Variants in ZFP64 observed in about 807,000 individuals in gnomAD.
ZFP64 encodes ZFP64 zinc finger protein.
Under a neutral mutation model 51.6 loss-of-function variants are expected in ZFP64, and 14 were observed. The observed-to-expected ratio is 0.27, with a 90% CI of 0.18 to 0.42. The LOEUF (loss-of-function observed/expected upper bound fraction) is 0.42. Ranked by LOEUF, ZFP64 falls within the 10% of genes least tolerant of loss-of-function variation. The pLI is 1.00. For synonymous variants in ZFP64, 375 were observed against 361.4 expected (o/e 1.04, Z -0.43); for missense variants, 754 against 906.8 (o/e 0.83, Z 2.16).
chr20:52,125,023 T>C (rs1400275807), intron 5 of ZFP64, among the ~76,000 whole-genome samples: 2 of 152,210 alleles, frequency 1.3e-5, no homozygotes, highest in East Asian at 3.9e-4. Context: ...TCTTTCAGCA[T>C]AAAAGCACCA....
intron 5 of ZFP64, among the ~76,000 whole-genome samples, chr20:52,122,535 A>G (rs930062057): frequency 2.0e-5 from 3 of 151,486 alleles, no homozygotes; most frequent in Admixed American, 6.6e-5. Context: ...AATACATTTT[A>G]TAAGACTGTA....
In ZFP64 at chr20:52,160,455, A is replaced by G; in HGVS notation, c.512-81T>C. 2.0e-6 allele frequency: 3 copies of G among 1,510,178 alleles called. No individual in the cohort carries two copies. The highest frequency in any genetic ancestry group is 2.6e-6 in the Non-Finnish European group (3 of 1,133,808). 93.5% of individuals were successfully genotyped at this position (1,510,178 alleles called of 1,614,324 possible). On this transcript the variant is annotated intron_variant, in intron 4 of 5. Coordinates refer to ENST00000216923, the MANE Select transcript of ZFP64 (RefSeq NM_018197.3). The surrounding 1 kb of genome is among the most constrained non-coding windows in gnomAD (Gnocchi z 4.2). ...GGCTTATTTCCCACTGCCTTACGAA[A>G]AAAGTCATATACAACCACCGAAGAA...
chr20:52,124,102 C>A (rs974300883), intron 5 of ZFP64, among the ~76,000 whole-genome samples: 5 of 151,696 alleles, frequency 3.3e-5, no homozygotes, highest in African/African-American at 1.2e-4. Context: ...GATCTCCTGA[C>A]CTTGCGATCC....
At chr20:52,105,080 C>T (rs1978300424) in intron 5 of ZFP64, 3 of 1,403,056 alleles carry the variant, frequency 2.1e-6, no homozygotes, top group African/African-American at 3.0e-5. Context: ...TCCGGAGAAC[C>T]TCTGAGCACC....
Position 52,153,388 on chromosome 20 carries a change from G to A in ZFP64, c.804C>T (p.Phe268=). The A allele has an allele frequency of 6.2e-7, 1 of 1,614,172 alleles. No homozygotes were observed. Among genetic ancestry groups the A allele is most frequent in the East Asian group, 2.2e-5 (1 of 44,886 alleles). ...GCCTTTTCAAGTCCGAGCTGATTTT[G>A]AACTTGGCGCTACAGAGCCAGCACT... ...PFQCWLCSAK[F]KISSDLKRHM... Residue 268 remains phenylalanine, a synonymous_variant, in exon 6 of 6, where the codon TTC becomes TTT. Transcript: ENST00000216923. The surrounding 1 kb of genome is among the most constrained non-coding windows in gnomAD (Gnocchi z 5.1).
intron 5 of ZFP64, among the ~76,000 whole-genome samples, chr20:52,142,378 A>ACACACACACACACACG (rs1555804621): frequency 1.3e-4 from 5 of 38,350 alleles, no homozygotes; most frequent in African/African-American, 4.6e-4. Context: ...ACACACACAG[A>ACACACACACACACACG]CACACACACA....
intron 5 of ZFP64, among the ~76,000 whole-genome samples, chr20:52,104,203 T>C (rs2122784281): frequency 6.6e-6 from 1 of 152,304 alleles, no homozygotes; most frequent in South Asian, 2.1e-4. Flanking sequence ...GCCTTAGAAA[T>C]GCAGATTCCC....
At chr20:52,158,855 A>T (rs1342773925) in intron 5 of ZFP64, among the ~76,000 whole-genome samples, 1 of 152,186 alleles carries the variant, frequency 6.6e-6, no homozygotes, top group African/African-American at 2.4e-5. Context: ...GCTTTAGCCA[A>T]TGTGATGCTT....
intron 5 of ZFP64, among the ~76,000 whole-genome samples, chr20:52,114,016 G>A (rs1053672819): frequency 5.3e-5 from 8 of 152,228 alleles, no homozygotes; most frequent in Non-Finnish European, 7.4e-5. Context: ...GGGAGACAGC[G>A]TCCCCAGGGG....
intron 7 of ZFP64, among the ~76,000 whole-genome samples, chr20:52,094,930 G>A (rs2078972038): frequency 6.6e-6 from 1 of 152,150 alleles, no homozygotes; most frequent in Non-Finnish European, 1.5e-5. Context: ...CTTGAGGCAT[G>A]CCCAAAGCAT....
chr20:52,093,998 T>A (rs1175648801), intron 7 of ZFP64, among the ~76,000 whole-genome samples: 2 of 152,328 alleles, frequency 1.3e-5, no homozygotes, highest in Non-Finnish European at 2.9e-5. Flanking sequence ...TTTAAAGACA[T>A]CTTTTTGAGA....
In ZFP64 at chr20:52,160,510, A is replaced by G; in HGVS notation, c.512-136T>C. On this transcript the variant is annotated intron_variant, in intron 4 of 5. Transcript: ENST00000216923. This position sits in a 1 kb window ranked among gnomAD's most constrained non-coding sequence, Gnocchi z 4.2. ...CCAAAAACCCTAAAACACTGGGTGG[A>G]TGATTGGCAAAGAGCTAACATCTTG... 3 of 1,196,750 alleles carry G rather than the reference A, an allele frequency of 2.5e-6. No homozygotes were observed. The highest frequency in any genetic ancestry group is 2.3e-6 in the Non-Finnish European group (2 of 883,502). 74.1% of individuals were successfully genotyped at this position (1,196,750 alleles called of 1,614,324 possible).
chr20:52,188,808 T>C (rs886168184), intron 1 of ZFP64, among the ~76,000 whole-genome samples: 1 of 151,616 alleles, frequency 6.6e-6, no homozygotes, highest in African/African-American at 2.4e-5. Context: ...CCATCTCTAC[T>C]AAAAATAAAC....
intron 5 of ZFP64, among the ~76,000 whole-genome samples, chr20:52,142,325 G>A (rs1211959891): frequency 1.3e-5 from 2 of 150,744 alleles, no homozygotes; most frequent in Admixed American, 6.6e-5. Context: ...CCGAGATTAC[G>A]CCACTGCACT....
chr20:52,189,367 A>G lies in ZFP64; in HGVS notation c.46+2224T>C, dbSNP rs1205919472. ...GCCAAGATCATGCCACTGAACTTCC[A>G]GCCTGGTGACAGCGAGACTTCATCT... On this transcript the variant is annotated intron_variant, in intron 1 of 5. Transcript: ENST00000216923. Among the ~76,000 whole-genome samples, 4 of 147,660 alleles carry G rather than the reference A, an allele frequency of 2.7e-5. No individual in the cohort carries two copies. The East Asian group carries it at 8.0e-4, about 30-fold the overall frequency.
In ZFP64 at chr20:52,152,544, C is replaced by G. The variant is rs901189782; in HGVS notation, c.1648G>C (p.Ala550Pro). Reference protein sequence around the residue: ...LQILRQVSLIAPPQSSRCPSE... With the variant: ...LQILRQVSLIPPPQSSRCPSE... ...GGACACCGCGAGGACTGAGGGGGGG[C>G]GATCAGACTGACCTGGCGCAGGATC... Residue 550 changes from alanine to proline, a missense_variant, in exon 6 of 6, where the codon GCC (alanine) becomes CCC (proline). Physicochemically the swap from Ala to Pro is conservative, Grantham distance 27. Coordinates refer to ENST00000216923, the MANE Select transcript of ZFP64 (RefSeq NM_018197.3). The G allele has an allele frequency of 1.9e-6, 3 of 1,582,698 alleles. No individual in the cohort carries two copies. In the African/African-American group the frequency reaches 4.0e-5, roughly 21 times the overall value.
At chr20:52,100,241 G>A (rs980311648) in intron 5 of ZFP64, among the ~76,000 whole-genome samples, 4 of 151,446 alleles carry the variant, frequency 2.6e-5, no homozygotes, top group Non-Finnish European at 4.4e-5. Flanking sequence ...CACCCACCTC[G>A]GCCTCCCAAA....
chr20:52,101,975 G>A (rs1157630951), intron 5 of ZFP64, among the ~76,000 whole-genome samples: 1 of 150,470 alleles, frequency 6.6e-6, no homozygotes, highest in Admixed American at 6.7e-5. Flanking sequence ...AGCCAGGTGT[G>A]GTGGCATGTG....
At chr20:52,135,806 C>T (rs1170246984) in intron 5 of ZFP64, among the ~76,000 whole-genome samples, 3 of 151,912 alleles carry the variant, frequency 2.0e-5, no homozygotes, top group African/African-American at 4.8e-5. Context: ...TCAGTATATA[C>T]AGGCATGATT....
Sources: allele counts gnomAD v4.1 joint callset (sites outside exome capture counted in the v4.1 genomes callset), GRCh38; gene constraint gnomAD v4.1.1; non-coding constraint Gnocchi (gnomAD v3.1); transcripts MANE v1.5; gene names NCBI Gene and HGNC (gene_info 2026-07-23, HGNC 2026-07-21).